The following DLG1 variants were observed in gnomAD, a reference collection of about 807,000 sequenced individuals.
DLG1 encodes discs large MAGUK scaffold protein 1, also known as disks large homolog 1.
A neutral mutation model predicts 123.4 loss-of-function variants in DLG1; 42 were observed. That is an observed-to-expected ratio of 0.34 (90% CI 0.27 to 0.44). DLG1 has a LOEUF of 0.44. Among genes scored for constraint, DLG1 ranks in the 20% least tolerant of loss-of-function variants. The pLI, the probability that DLG1 is intolerant of heterozygous loss-of-function variation, is 1.00. For missense variants in DLG1, 942 were observed against 1,082.6 expected, an observed-to-expected ratio of 0.87 and a Z score of 1.82; for synonymous variants, 317 against 356.2, an observed-to-expected ratio of 0.89 and a Z score of 1.24.
At chr3:197,122,156 T>C (rs557983050) in intron 11 of DLG1, among the ~76,000 whole-genome samples, 51 of 152,026 alleles carry the variant, frequency 3.4e-4, no homozygotes, top group Admixed American at 7.9e-4. Context: ...GTGGGTTTTT[T>C]CCCCCCACAA....
intron 11 of DLG1, among the ~76,000 whole-genome samples, chr3:197,125,110 T>C (rs575586191): frequency 6.6e-5 from 10 of 152,272 alleles, no homozygotes; most frequent in African/African-American, 1.9e-4. Flanking sequence ...CATAGGTATA[T>C]CTGAAAGTGG....
At chr3:197,155,947 T>TATAA (rs528270321) in intron 5 of DLG1, among the ~76,000 whole-genome samples, 52 of 152,216 alleles carry the variant, frequency 3.4e-4, no homozygotes, top group Admixed American at 7.2e-4. Context: ...AGACCCTGCC[T>TATAA]ATAAATAAAT....
chr3:197,188,103 T>G (rs944860037), intron 5 of DLG1, among the ~76,000 whole-genome samples: 1 of 152,152 alleles, frequency 6.6e-6, no homozygotes, highest in Non-Finnish European at 1.5e-5. Flanking sequence ...TGGCAAACCT[T>G]TCATAAGAAC....
At chr3:197,085,420 T>G in intron 16 of DLG1, 160 bp downstream of exon 16, 1 of 698,072 alleles carries the variant, frequency 1.4e-6, no homozygotes, top group East Asian at 2.7e-5. Flanking sequence ...AGATTTCACA[T>G]AAAAATGTGA....
At chr3:197,159,445 G>C (rs1797883781) in intron 5 of DLG1, among the ~76,000 whole-genome samples, 1 of 152,092 alleles carries the variant, frequency 6.6e-6, no homozygotes, top group South Asian at 2.1e-4. Context: ...AGATGAAGGG[G>C]GTATAAAACT....
intron 4 of DLG1, among the ~76,000 whole-genome samples, chr3:197,211,883 A>T (rs1454829009): frequency 1.4e-5 from 2 of 146,884 alleles, no homozygotes; most frequent in African/African-American, 4.9e-5. Flanking sequence ...AATGTGGTAC[A>T]TATACACCAT....
chr3:197,246,248 T>C (rs1423049096), intron 4 of DLG1, among the ~76,000 whole-genome samples: 2 of 152,150 alleles, frequency 1.3e-5, no homozygotes, highest in Non-Finnish European at 2.9e-5. Flanking sequence ...ATAGCTGTTG[T>C]CTTGTTTTGA....
intron 24 of DLG1, among the ~76,000 whole-genome samples, chr3:197,047,075 G>C (rs1279271526): frequency 6.6e-6 from 1 of 152,082 alleles, no homozygotes; most frequent in African/African-American, 2.4e-5. Context: ...TCCTGCACCA[G>C]AACAGAAAAA....
intron 4 of DLG1, among the ~76,000 whole-genome samples, chr3:197,201,875 C>A: frequency 6.6e-6 from 1 of 152,014 alleles, no homozygotes; most frequent in East Asian, 1.9e-4. Flanking sequence ...CAAAGCACTT[C>A]AGTGAAATAA....
chr3:197,191,261 T>C (rs536867211), intron 5 of DLG1, among the ~76,000 whole-genome samples: 4 of 152,190 alleles, frequency 2.6e-5, no homozygotes, highest in African/African-American at 9.6e-5. Context: ...CCTAAACCCT[T>C]AGGGATAACA....
chr3:197,297,905 G>A (rs944222879), intron 1 of DLG1: 25 of 984,378 alleles, frequency 2.5e-5, no homozygotes, highest in Non-Finnish European at 2.8e-5. Context: ...CCCGCCCGGG[G>A]CCCGCGGAGC....
chr3:197,093,125 T>C (rs982693248), intron 14 of DLG1, among the ~76,000 whole-genome samples: 5 of 152,140 alleles, frequency 3.3e-5, no homozygotes, highest in African/African-American at 4.8e-5. Context: ...TATGTGTGTA[T>C]ATATACACAC....
chr3:197,273,857 A>AAAAAAAC (rs1246015084), intron 4 of DLG1, among the ~76,000 whole-genome samples: 1 of 150,178 alleles, frequency 6.7e-6, no homozygotes, highest in Non-Finnish European at 1.5e-5. Flanking sequence ...ACCAAAAAAA[A>AAAAAAAC]AAAAAAAACC....
intron 3 of DLG1, among the ~76,000 whole-genome samples, chr3:197,291,300 TACACACACACACACACACACAC>T (rs33920543): frequency 1.4e-5 from 2 of 143,288 alleles, no homozygotes; most frequent in African/African-American, 2.6e-5. Context: ...CCTACAAAGT[TACACACACACACACACACACAC>T]ACACACACAC....
At chr3:197,158,085 C>T (rs897243326) in intron 5 of DLG1, among the ~76,000 whole-genome samples, 1 of 152,024 alleles carries the variant, frequency 6.6e-6, no homozygotes, top group Non-Finnish European at 1.5e-5. Context: ...TCCTAAAACT[C>T]GACGATAAAA....
At chr3:197,184,847 A>G (rs1473646578) in intron 5 of DLG1, among the ~76,000 whole-genome samples, 1 of 152,228 alleles carries the variant, frequency 6.6e-6, no homozygotes, top group Non-Finnish European at 1.5e-5. Flanking sequence ...CTAAAGGAAC[A>G]TATTCTAACA....
In DLG1 at chr3:197,228,684, A is replaced by T. The variant is rs1741232107; in HGVS notation, c.319-34095T>A. Among the ~76,000 whole-genome samples the T allele has an allele frequency of 1.3e-5, 2 of 152,188 alleles. 1 individual carries two copies. Among genetic ancestry groups the T allele is most frequent in the South Asian group, 4.1e-4 (2 of 4,832 alleles). ...TATTTTGAAACTCTGAGTGGATCTG[A>T]TAGATTTGCACTAAAGTGTCTTAGG... On this transcript the variant is annotated intron_variant, in intron 4 of 24. Transcript: ENST00000667157.
intron 5 of DLG1, among the ~76,000 whole-genome samples, chr3:197,167,804 C>T (rs983901906): frequency 1.3e-5 from 2 of 151,478 alleles, no homozygotes; most frequent in African/African-American, 4.8e-5. Flanking sequence ...AAGTAACAAA[C>T]GTATCTATCA....
intron 4 of DLG1, among the ~76,000 whole-genome samples, chr3:197,250,517 C>T (rs1183362133): frequency 1.3e-5 from 2 of 149,492 alleles, no homozygotes; most frequent in East Asian, 2.0e-4. Context: ...TGCAGTGAGC[C>T]GAGATCATGC....
Sources: gnomAD v4.1 joint callset for allele counts (sites outside exome capture counted in the v4.1 genomes callset) on GRCh38, gnomAD v4.1.1 for gene constraint, MANE v1.5 for transcripts, NCBI Gene and HGNC (gene_info 2026-07-23, HGNC 2026-07-21) for gene names.